The following HERC2 variants were observed in gnomAD, a reference collection of about 807,000 sequenced individuals.
HERC2 encodes HECT and RLD domain containing E3 ubiquitin protein ligase 2, also known as E3 ubiquitin-protein ligase HERC2.
Under a neutral mutation model 537.7 loss-of-function variants are expected in HERC2, and 102 were observed. The ratio of observed to expected loss-of-function variants is 0.19; its 90% CI spans 0.16 to 0.22. The LOEUF is 0.22. Ranked by LOEUF, HERC2 falls within the 10% of genes least tolerant of loss-of-function variation. The pLI is 1.00. For synonymous variants in HERC2, 2,224 were observed against 2,466.2 expected (o/e 0.90, Z 2.91); for missense variants, 4,236 against 6,198.2 (o/e 0.68, Z 10.63).
Position 28,115,533 on chromosome 15 carries a change from G to T in HERC2, c.13618C>A (p.Leu4540Met), listed in dbSNP as rs773504315. The T allele has an allele frequency of 1.1e-5, 17 of 1,612,706 alleles. No homozygotes were observed. In the South Asian group the frequency reaches 1.9e-4, roughly 18 times the overall value. The change falls in exon 89 of 93, where the codon CTG (leucine) becomes ATG (methionine). Residue 4540 changes from leucine to methionine, a missense_variant. Leu to Met is a conservative substitution (Grantham distance 15). Coordinates refer to ENST00000261609, the MANE Select transcript of HERC2 (RefSeq NM_004667.6). ...CTCCCGGTTCGGATGGCAATGCCCA[G>T]CAACACACCTGATCATTCAGGACAC... ...SSMFRFLGVLLGIAIRTGSPL... is the reference protein window; with the variant it reads ...SSMFRFLGVLMGIAIRTGSPL...
intron 2 of HERC2, among the ~76,000 whole-genome samples, chr15:28,311,274 A>C (rs2922706): frequency 5.3e-5 from 8 of 150,654 alleles, no homozygotes; most frequent in African/African-American, 1.7e-4. Context: ...AGACCAGCCA[A>C]AGCAACACGG....
chr15:28,244,028 T>C (rs1323088262), intron 23 of HERC2, among the ~76,000 whole-genome samples: 1 of 151,988 alleles, frequency 6.6e-6, no homozygotes, highest in Non-Finnish European at 1.5e-5. Context: ...ATTTAAAAAT[T>C]AGCCAGGCAT....
At chr15:28,237,208 C>G (rs1453113417) in intron 25 of HERC2, 95 bp from the exon 26 acceptor site, 14 of 1,213,540 alleles carry the variant, frequency 1.2e-5, no homozygotes, top group Non-Finnish European at 1.7e-5. Flanking sequence ...TGTAACCGCA[C>G]GTGAGCCCAG....
intron 20 of HERC2, among the ~76,000 whole-genome samples, chr15:28,251,526 C>A (rs1375933919): frequency 6.8e-6 from 1 of 146,956 alleles, no homozygotes; most frequent in African/African-American, 2.5e-5. Context: ...AATGGCCAGG[C>A]GCGGTGGCTC....
In HERC2 at chr15:28,252,485, G is replaced by A. The variant is rs1198144129; in HGVS notation, c.3050+1855C>T. On this transcript the variant is annotated intron_variant, in intron 20 of 92. Coordinates refer to ENST00000261609, the MANE Select transcript of HERC2 (RefSeq NM_004667.6). ...GAAAATGCTCACTTTAAAACTTTGC[G>A]TGGAACTTTACATTTTAATTACAAA... 5.9e-5 allele frequency among the ~76,000 whole-genome samples: 9 copies of A among 152,248 alleles called. No individual in the cohort carries two copies. In the East Asian group the frequency reaches 7.7e-4, roughly 13 times the overall value.
At chr15:28,289,871 C>G (rs559093590) in intron 4 of HERC2, among the ~76,000 whole-genome samples, 9 of 152,052 alleles carry the variant, frequency 5.9e-5, no homozygotes, top group Non-Finnish European at 1.3e-4. Flanking sequence ...AGTGAAAGGA[C>G]GACACATCTG....
chr15:28,207,727 G>C (rs1898640118), intron 44 of HERC2, among the ~76,000 whole-genome samples: 1 of 151,926 alleles, frequency 6.6e-6, no homozygotes, highest in Admixed American at 6.6e-5. Context: ...TGCATGTGCT[G>C]GTTTTCTTCA....
chr15:28,141,303 T>A (rs1376435577), intron 78 of HERC2, 129 bp downstream of exon 78: 4 of 676,986 alleles, frequency 5.9e-6, no homozygotes, highest in African/African-American at 5.4e-5. Flanking sequence ...GCTTCCTGCA[T>A]ACCACAGTAT....
At chr15:28,116,161 C>T (rs56171895) in intron 88 of HERC2, among the ~76,000 whole-genome samples, 2,893 of 152,232 alleles carry the variant, frequency 0.019, 54 homozygotes, top group Middle Eastern at 0.12. Context: ...GTCAACAGCA[C>T]CTCGTTCGCT....
In HERC2 at chr15:28,301,318, G is replaced by A. The variant is rs1340464881; in HGVS notation, c.73-1802C>T. 1.6e-3 allele frequency among the ~76,000 whole-genome samples: 237 copies of A among 151,908 alleles called. 4 individuals carry two copies. Among genetic ancestry groups the A allele is most frequent in the African/African-American group, 5.4e-3 (223 of 41,426 alleles). ...TAATCCCAGCTACTTGGGAGGCTGA[G>A]GCAGGAGAATAGCCTGAACCCAGGA... On this transcript the variant is annotated intron_variant, in intron 2 of 92. Coordinates refer to ENST00000261609, the MANE Select transcript of HERC2 (RefSeq NM_004667.6).
intron 63 of HERC2, among the ~76,000 whole-genome samples, chr15:28,175,884 G>C (rs1895240125): frequency 1.3e-5 from 2 of 152,142 alleles, no homozygotes; most frequent in African/African-American, 4.8e-5. Context: ...TGATATTTAA[G>C]TTACTGTTGT....
intron 35 of HERC2, among the ~76,000 whole-genome samples, chr15:28,223,064 T>C (rs1900695817): frequency 6.6e-6 from 1 of 152,146 alleles, no homozygotes; most frequent in African/African-American, 2.4e-5. Flanking sequence ...TTGTGAGTCC[T>C]CCTGGCCAAC....
Position 28,167,827 on chromosome 15 carries a change from T to A in HERC2, c.10414A>T (p.Ile3472Phe). Residue 3472 changes from isoleucine to phenylalanine, a missense_variant and splice_region_variant, in exon 68 of 93, where the codon ATT (isoleucine) becomes TTT (phenylalanine). Physicochemically the swap from Ile to Phe is conservative, Grantham distance 21. Transcript: ENST00000261609. ...GTCACTGCGTCCTCAGAGGAAACAA[T>A]CTAGTCCAAGAGTGCACAGTAGGGG... ...SPNPWQEKRE[I>F]VSSEDAVTPS... 1 of 1,612,124 alleles carries A rather than the reference T, an allele frequency of 6.2e-7. No homozygotes were observed. Among genetic ancestry groups the A allele is most frequent in the East Asian group, 2.2e-5 (1 of 44,856 alleles).
At chr15:28,275,421 C>T (rs2075845734) in intron 5 of HERC2, among the ~76,000 whole-genome samples, 1 of 152,224 alleles carries the variant, frequency 6.6e-6, no homozygotes, top group Non-Finnish European at 1.5e-5. Context: ...CCAGCTCCGG[C>T]GTCCTCCACT....
chr15:28,162,895 A>C (rs1043771470), intron 69 of HERC2, among the ~76,000 whole-genome samples, 199 bp downstream of exon 69: 11 of 152,218 alleles, frequency 7.2e-5, no homozygotes, highest in African/African-American at 2.7e-4. Context: ...CGTCTCAAAA[A>C]AACAAAAAAC....
At chr15:28,189,213 C>T (rs74400391) in intron 55 of HERC2, among the ~76,000 whole-genome samples, 10,181 of 152,252 alleles carry the variant, frequency 0.067, 871 homozygotes, top group East Asian at 0.42. Context: ...CAGGTTAGGT[C>T]AGGAGTTTTC....
At position 28,214,188 on chromosome 15, in the gene HERC2, G is replaced by A. The variant is rs763778769; in HGVS notation, c.6443C>T (p.Ala2148Val). The change falls in exon 41 of 93, where the codon GCA becomes GTA. Residue 2148 changes from alanine to valine, a missense_variant. By Grantham distance (64) the Ala-to-Val change is moderately conservative. Around this residue, in one of 27 missense-constraint regions of HERC2, gnomAD observed 365 missense variants for 468.8 expected, o/e 0.78. Coordinates refer to ENST00000261609, the MANE Select transcript of HERC2 (RefSeq NM_004667.6). ...CAGGGAGTGCAGCGTGCGCAGCAGT[G>A]CCACCACCTCCTCCGCCAGTGTGCT... Reference protein sequence around the residue: ...HSSTLAEEVVALLRTLHSLTQ... With the variant: ...HSSTLAEEVVVLLRTLHSLTQ... 5.0e-6 allele frequency: 8 copies of A among 1,612,540 alleles called. No individual in the cohort carries two copies. Among genetic ancestry groups the A allele is most frequent in the African/African-American group, 1.3e-5 (1 of 74,886 alleles).
In HERC2 at chr15:28,146,329, C is replaced by A; in HGVS notation, c.10916G>T (p.Arg3639Met). The A allele has an allele frequency of 6.2e-7, 1 of 1,613,682 alleles. No individual in the cohort carries two copies. Among genetic ancestry groups the A allele is most frequent in the Non-Finnish European group, 8.5e-7 (1 of 1,179,662 alleles). Residue 3639 changes from arginine (R) to methionine (M), a missense_variant, in exon 71 of 93, where the codon AGG (arginine) becomes ATG (methionine). Physicochemically the swap from Arg to Met is moderately conservative, Grantham distance 91 (BLOSUM62 -1). Transcript: ENST00000261609. The stretch of plus-strand genomic sequence containing the variant: ...GGAGCACTGCCGGTCAAATTCTACC[C>A]TGAGTCCTTCTGCACCTGAAGGACA... ...TVKIPGAEGL[R>M]VEFDRQCSTE...
At chr15:28,132,860 A>G (rs1296488323) in intron 79 of HERC2, 30 bp from the exon 80 acceptor site, 3 of 1,481,920 alleles carry the variant, frequency 2.0e-6, no homozygotes, top group Non-Finnish European at 2.7e-6. Context: ...TATAATGGAA[A>G]CACATTTTTA....
Sources: gnomAD v4.1 joint callset for allele counts (sites outside exome capture counted in the v4.1 genomes callset) on GRCh38, gnomAD v4.1.1 for gene constraint, gnomAD v4.1.1 regional missense constraint, MANE v1.5 for transcripts, NCBI Gene and HGNC (gene_info 2026-07-23, HGNC 2026-07-21) for gene names.